EEIG2: variants seen among roughly 807,000 people sequenced by gnomAD.
The protein encoded by EEIG2 is EEIG family member 2.
the EEIG2 span, among the ~76,000 whole-genome samples, chr1:108,578,239 C>G: frequency 1.2e-3 from 137 of 114,938 alleles, no homozygotes; most frequent in African/African-American, 4.7e-3. Flanking sequence ...ATCATGTCGT[C>G]TGCAAACAGG....
At chr1:108,588,160 T>C in the EEIG2 span, among the ~76,000 whole-genome samples, 1 of 152,206 alleles carries the variant, frequency 6.6e-6, no homozygotes. Flanking sequence ...TGATTAATGA[T>C]GAAATGAACA....
chr1:108,609,190 G>A, the EEIG2 span, among the ~76,000 whole-genome samples: 1 of 152,134 alleles, frequency 6.6e-6, no homozygotes, highest in African/African-American at 2.4e-5. Context: ...AAGCCAATGG[G>A]CTATTGTTTT....
the EEIG2 span, among the ~76,000 whole-genome samples, chr1:108,629,245 A>G: frequency 6.6e-6 from 1 of 152,196 alleles, no homozygotes; most frequent in Non-Finnish European, 1.5e-5. Context: ...TTTGAAAGGT[A>G]TAATTACTCA....
the EEIG2 span, among the ~76,000 whole-genome samples, chr1:108,604,361 AG>A: frequency 6.6e-6 from 1 of 152,236 alleles, no homozygotes; most frequent in African/African-American, 2.4e-5. Context: ...GGTTTGTGTT[AG>A]TTGAAGGGAG....
the EEIG2 span, among the ~76,000 whole-genome samples, chr1:108,601,808 A>G: frequency 6.2e-4 from 95 of 152,304 alleles, no homozygotes; most frequent in South Asian, 1.7e-3. Flanking sequence ...TTTTACCTAT[A>G]AAGTTGACAA....
At chr1:108,609,590 A>C in the EEIG2 span, among the ~76,000 whole-genome samples, 1 of 152,164 alleles carries the variant, frequency 6.6e-6, no homozygotes, top group Non-Finnish European at 1.5e-5. Flanking sequence ...AGTAAGTGCT[A>C]AAGGCCTTGA....
At chr1:108,614,397 A>G in the EEIG2 span, among the ~76,000 whole-genome samples, 1 of 152,102 alleles carries the variant, frequency 6.6e-6, no homozygotes, top group Non-Finnish European at 1.5e-5. Context: ...TCTGGCAGTC[A>G]TACTCTACTT....
chr1:108,624,568 A>C, the EEIG2 span: 1 of 1,295,930 alleles, frequency 7.7e-7, no homozygotes, highest in Non-Finnish European at 1.1e-6. Flanking sequence ...GCTAAGGCTT[A>C]CTAAGCTCAC....
At chr1:108,610,628 C>T in the EEIG2 span, among the ~76,000 whole-genome samples, 3 of 152,214 alleles carry the variant, frequency 2.0e-5, no homozygotes. Flanking sequence ...TCTTTTGCCC[C>T]TCTAAGAGAG....
At chr1:108,617,949 G>A in the EEIG2 span, among the ~76,000 whole-genome samples, 1 of 152,186 alleles carries the variant, frequency 6.6e-6, no homozygotes, top group Non-Finnish European at 1.5e-5. Context: ...AATGCCCTTA[G>A]ACTAAAGCCT....
chr1:108,637,744 G>C, the EEIG2 span: 2 of 152,344 alleles, frequency 1.3e-5, no homozygotes, highest in South Asian at 4.1e-4. Context: ...TATTTGTGAC[G>C]AGATAAAGAA....
At chr1:108,606,360 C>T in the EEIG2 span, 2 of 667,224 alleles carry the variant, frequency 3.0e-6, no homozygotes, top group Non-Finnish European at 4.6e-6. Flanking sequence ...TCAAGCTTGG[C>T]TCTTTTTGTA....
At chr1:108,571,100 G>A in the EEIG2 span, among the ~76,000 whole-genome samples, 8 of 152,158 alleles carry the variant, frequency 5.3e-5, no homozygotes, top group Admixed American at 1.3e-4. Flanking sequence ...ATGATTGCAG[G>A]TGTTGGAGTG....
At chr1:108,572,271 T>TA in the EEIG2 span, among the ~76,000 whole-genome samples, 15 of 152,222 alleles carry the variant, frequency 9.9e-5, no homozygotes, top group Admixed American at 9.8e-4. Context: ...GCCCTTTTTT[T>TA]ATAGACTTTA....
chr1:108,609,678 C>T, the EEIG2 span, among the ~76,000 whole-genome samples: 3 of 152,092 alleles, frequency 2.0e-5, no homozygotes, highest in Admixed American at 2.0e-4. Context: ...TGAAGTTGGC[C>T]AGGTAGCCAG....
the EEIG2 span, chr1:108,628,054 C>A: frequency 1.2e-6 from 1 of 845,088 alleles, no homozygotes; most frequent in Non-Finnish European, 1.9e-6. Flanking sequence ...CATTTTGTAA[C>A]TTATTGTTTT....
the EEIG2 span, among the ~76,000 whole-genome samples, chr1:108,572,220 T>C: frequency 1.3e-5 from 2 of 152,252 alleles, no homozygotes; most frequent in Non-Finnish European, 2.9e-5. Context: ...TTCACATCTC[T>C]AATTCCTTCT....
the EEIG2 span, among the ~76,000 whole-genome samples, chr1:108,607,146 C>T: frequency 1.3e-5 from 2 of 152,344 alleles, no homozygotes; most frequent in South Asian, 2.1e-4. Flanking sequence ...GACTGAAGAA[C>T]GTCATCAAGA....
chr1:108,560,582 G>A, the EEIG2 span: 1 of 1,605,486 alleles, frequency 6.2e-7, no homozygotes, highest in Non-Finnish European at 8.5e-7. Context: ...CGCCTCCCGC[G>A]CCGCCTCGCC....
Sources: gnomAD v4.1 joint callset for allele counts (sites outside exome capture counted in the v4.1 genomes callset) on GRCh38, gnomAD v4.1.1 for gene constraint, MANE v1.5 for transcripts, NCBI Gene and HGNC (gene_info 2026-07-23, HGNC 2026-07-21) for gene names.